The following FHIT variants were observed in gnomAD, a reference collection of about 807,000 sequenced individuals.
FHIT encodes the protein bis(5'-adenosyl)-triphosphatase.
In FHIT, 19 loss-of-function variants were observed where a neutral mutation model predicts 17.9. The observed-to-expected ratio is 1.06, with a 90% CI of 0.74 to 1.56. The LOEUF is 1.56. FHIT is among the 40% of genes most tolerant of loss of function. The pLI is 0.00. For synonymous variants in FHIT, 81 were observed against 69.7 expected, an observed-to-expected ratio of 1.16 and a Z score of -0.81; for missense variants, 248 against 189.2, an observed-to-expected ratio of 1.31 and a Z score of -1.82.
intron 3 of FHIT, among the ~76,000 whole-genome samples, chr3:60,912,037 TTACACACACACACACA>T (rs1706770151): frequency 8.4e-6 from 1 of 119,284 alleles, no homozygotes; most frequent in East Asian, 2.0e-4. Context: ...CGCCTCTGCC[TTACACACACACACACA>T]TACACACACA....
intron 1 of FHIT, among the ~76,000 whole-genome samples, chr3:61,227,896 A>G (rs997146638): frequency 1.3e-5 from 2 of 152,192 alleles, no homozygotes; most frequent in Non-Finnish European, 2.9e-5. Context: ...TGGTACTAGC[A>G]AAACTGAGGG....
intron 1 of FHIT, among the ~76,000 whole-genome samples, chr3:61,210,583 G>A (rs573548381): frequency 1.1e-4 from 16 of 152,304 alleles, no homozygotes; most frequent in East Asian, 5.8e-4. Flanking sequence ...GTGAGGCTCC[G>A]TGGGCGTAGG....
At chr3:60,355,247 A>G (rs1699598564) in intron 5 of FHIT, among the ~76,000 whole-genome samples, 1 of 152,228 alleles carries the variant, frequency 6.6e-6, no homozygotes, top group South Asian at 2.1e-4. Context: ...TTCTCGATTT[A>G]CAAGCTTTCC....
intron 5 of FHIT, among the ~76,000 whole-genome samples, chr3:60,526,739 T>C (rs12496632): frequency 0.073 from 11,096 of 152,096 alleles, 872 homozygotes; most frequent in East Asian, 0.17. Context: ...CCAAAAGCAA[T>C]TGTACCTCCC....
At chr3:60,623,241 T>C (rs2039185045) in intron 4 of FHIT, among the ~76,000 whole-genome samples, 1 of 152,226 alleles carries the variant, frequency 6.6e-6, no homozygotes, top group African/African-American at 2.4e-5. Flanking sequence ...CTGTCCAATA[T>C]GCCATCACTT....
At chr3:60,476,645 G>A (rs2033358147) in intron 5 of FHIT, among the ~76,000 whole-genome samples, 2 of 152,166 alleles carry the variant, frequency 1.3e-5, no homozygotes, top group South Asian at 4.1e-4. Flanking sequence ...GCATCCCAAT[G>A]CTGAAGGCAT....
At chr3:60,472,883 A>G (rs2033159964) in intron 5 of FHIT, among the ~76,000 whole-genome samples, 1 of 152,092 alleles carries the variant, frequency 6.6e-6, no homozygotes, top group Admixed American at 6.6e-5. Context: ...TCGTATCTCA[A>G]TTTGCAAGAA....
At chr3:60,672,064 T>C (rs1355480022) in intron 4 of FHIT, among the ~76,000 whole-genome samples, 2 of 152,238 alleles carry the variant, frequency 1.3e-5, no homozygotes, top group Non-Finnish European at 2.9e-5. Context: ...GTGTAATTGA[T>C]GTAGCCACAT....
At chr3:59,864,334 G>T (rs1319267525) in intron 8 of FHIT, among the ~76,000 whole-genome samples, 2 of 151,956 alleles carry the variant, frequency 1.3e-5, no homozygotes, top group Non-Finnish European at 2.9e-5. Flanking sequence ...GTTTATCAGG[G>T]GCTTCTGCTT....
intron 4 of FHIT, among the ~76,000 whole-genome samples, chr3:60,694,193 C>T (rs145404106): frequency 7.4e-4 from 112 of 152,216 alleles, no homozygotes; most frequent in African/African-American, 2.5e-3. Flanking sequence ...CTGACCTTTA[C>T]TGTTTTCTCT....
intron 3 of FHIT, among the ~76,000 whole-genome samples, chr3:60,958,121 T>C (rs1011883253): frequency 4.6e-5 from 7 of 152,190 alleles, no homozygotes; most frequent in Non-Finnish European, 7.3e-5. Context: ...CAATATCACA[T>C]TGTTGTGGGG....
chr3:61,064,231 A>AAG (rs35140567), intron 2 of FHIT, among the ~76,000 whole-genome samples: 82,985 of 151,470 alleles, frequency 0.55, 23,805 homozygotes, highest in Non-Finnish European at 0.65. Flanking sequence ...CTGAAATGGA[A>AAG]AGAGAGAGAG....
chr3:60,948,084 C>A (rs1708715385), intron 3 of FHIT, among the ~76,000 whole-genome samples: 1 of 152,162 alleles, frequency 6.6e-6, no homozygotes, highest in Non-Finnish European at 1.5e-5. Flanking sequence ...CTAGTGGATT[C>A]TCCAGTCAAT....
intron 1 of FHIT, among the ~76,000 whole-genome samples, chr3:61,245,278 A>G (rs1033617133): frequency 6.6e-6 from 1 of 152,172 alleles, no homozygotes; most frequent in African/African-American, 2.4e-5. Flanking sequence ...TCTGCAATAG[A>G]AATTATCGCC....
chr3:60,741,143 C>T (rs1484694690), intron 4 of FHIT, among the ~76,000 whole-genome samples: 1 of 152,342 alleles, frequency 6.6e-6, no homozygotes, highest in East Asian at 1.9e-4. Flanking sequence ...CAAACCTCCT[C>T]CCTTCAAGAA....
At chr3:60,697,085 T>G (rs575977083) in intron 4 of FHIT, among the ~76,000 whole-genome samples, 1 of 152,170 alleles carries the variant, frequency 6.6e-6, no homozygotes, top group African/African-American at 2.4e-5. Flanking sequence ...ATCCCTAGTA[T>G]TTTCCCCCAA....
intron 5 of FHIT, among the ~76,000 whole-genome samples, chr3:60,389,603 G>A (rs1701144881): frequency 6.6e-6 from 1 of 152,058 alleles, no homozygotes; most frequent in Non-Finnish European, 1.5e-5. Flanking sequence ...GTGAGGCTGG[G>A]CCACAAGTGA....
chr3:60,754,967 C>T (rs1485712525), intron 4 of FHIT, among the ~76,000 whole-genome samples: 1 of 152,164 alleles, frequency 6.6e-6, no homozygotes. Context: ...CTTAAATATG[C>T]TTTCATTTAT....
chr3:60,767,874 T>C (rs2108067785), intron 4 of FHIT, among the ~76,000 whole-genome samples: 1 of 152,310 alleles, frequency 6.6e-6, no homozygotes, highest in South Asian at 2.1e-4. Flanking sequence ...CCACTGTCTA[T>C]TACATTGGGT....
Sources: gnomAD v4.1 joint callset for allele counts (sites outside exome capture counted in the v4.1 genomes callset) on GRCh38, gnomAD v4.1.1 for gene constraint, MANE v1.5 for transcripts, NCBI Gene and HGNC (gene_info 2026-07-23, HGNC 2026-07-21) for gene names.